The following GLG1 variants were observed in gnomAD, a reference collection of about 807,000 sequenced individuals.
The protein encoded by GLG1 is golgi glycoprotein 1.
GLG1 carries 38 observed loss-of-function variants against 160.5 expected under a neutral mutation model. The ratio of observed to expected loss-of-function variants is 0.24; its 90% CI spans 0.18 to 0.31. The LOEUF (loss-of-function observed/expected upper bound fraction) is 0.31, where lower values mean the gene tolerates loss of function less well. Among genes scored for constraint, GLG1 ranks in the 10% least tolerant of loss-of-function variants. GLG1 has a pLI of 1.00. For synonymous variants in GLG1, 644 were observed against 543.4 expected (o/e 1.19, Z -2.57); for missense variants, 1,373 against 1,505.2 (o/e 0.91, Z 1.45).
intron 1 of GLG1, among the ~76,000 whole-genome samples, chr16:74,556,362 G>A (rs922080339): frequency 6.6e-6 from 1 of 152,110 alleles, no homozygotes; most frequent in African/African-American, 2.4e-5. Context: ...AAAATTTAAA[G>A]TTCTTTGACT....
chr16:74,548,859 G>T (rs1055921371), intron 1 of GLG1, among the ~76,000 whole-genome samples: 4 of 152,086 alleles, frequency 2.6e-5, no homozygotes, highest in African/African-American at 9.7e-5. Flanking sequence ...AGCTGGGCGT[G>T]GTGGCAGGCA....
At chr16:74,519,895 C>G (rs920945523) in intron 2 of GLG1, among the ~76,000 whole-genome samples, 12 of 152,156 alleles carry the variant, frequency 7.9e-5, no homozygotes, top group African/African-American at 2.9e-4. Context: ...GGTCCCACTC[C>G]TCCCCATACA....
intron 1 of GLG1, among the ~76,000 whole-genome samples, chr16:74,541,030 T>C (rs1282138238): frequency 6.6e-6 from 1 of 152,046 alleles, no homozygotes; most frequent in Non-Finnish European, 1.5e-5. Flanking sequence ...CGAAATACAG[T>C]ATAAAAATTC....
At chr16:74,556,027 A>C (rs1286593094) in intron 1 of GLG1, among the ~76,000 whole-genome samples, 4 of 151,956 alleles carry the variant, frequency 2.6e-5, no homozygotes, top group Non-Finnish European at 1.5e-5. Context: ...TTTTGTAGAG[A>C]AGGGTCTCAC....
intron 1 of GLG1, among the ~76,000 whole-genome samples, chr16:74,580,225 T>C (rs1567536957): frequency 6.6e-6 from 1 of 152,196 alleles, no homozygotes; most frequent in East Asian, 1.9e-4. Flanking sequence ...GGTTTATACC[T>C]GTAATCCCAG....
chr16:74,506,581 C>CAAAAAAAAAAAAAAA lies in GLG1; in HGVS notation c.558+2243_558+2257dup, dbSNP rs56175030. ...TGGGTTACAGAGCAAGACTCCGTCT[C>CAAAAAAAAAAAAAAA]AAAAAAAAAAAAAAAAAAAAAAACT... On this transcript the variant is annotated intron_variant, in intron 3 of 25. Transcript: ENST00000422840. 5.6e-4 allele frequency among the ~76,000 whole-genome samples: 22 copies of CAAAAAAAAAAAAAAA among 39,052 alleles called. 3 individuals carry two copies. Among genetic ancestry groups the CAAAAAAAAAAAAAAA allele is most frequent in the African/African-American group, 9.9e-4 (9 of 9,100 alleles). 25.6% of individuals were successfully genotyped at this position (39,052 alleles called of 152,430 possible). A position where few individuals can be genotyped will look rare whatever the true frequency, so the allele number is the denominator to read the frequency against.
intron 4 of GLG1, among the ~76,000 whole-genome samples, chr16:74,502,802 CCT>C (rs2016457563): frequency 6.8e-6 from 1 of 146,626 alleles, no homozygotes; most frequent in Non-Finnish European, 1.5e-5. Context: ...GATCTCCTGA[CCT>C]CGTGATCTGC....
chr16:74,589,142 C>G (rs1368593690), intron 1 of GLG1, among the ~76,000 whole-genome samples: 1 of 151,714 alleles, frequency 6.6e-6, no homozygotes, highest in Non-Finnish European at 1.5e-5. Context: ...GTAATCCCAG[C>G]TACTCGAGAG....
chr16:74,568,758 T>C (rs189747817), intron 1 of GLG1, among the ~76,000 whole-genome samples: 1 of 152,316 alleles, frequency 6.6e-6, no homozygotes, highest in Non-Finnish European at 1.5e-5. Context: ...TAACCAATAG[T>C]ATCTTAAATC....
intron 1 of GLG1, among the ~76,000 whole-genome samples, chr16:74,535,454 GA>G (rs1431271084): frequency 1.3e-5 from 2 of 152,162 alleles, no homozygotes; most frequent in Non-Finnish European, 2.9e-5. Context: ...TTAGTTTTGA[GA>G]TAGAGTCTTG....
chr16:74,575,310 A>T (rs995521098), intron 1 of GLG1, among the ~76,000 whole-genome samples: 2 of 152,128 alleles, frequency 1.3e-5, no homozygotes, highest in African/African-American at 4.8e-5. Context: ...TCTGAATCAC[A>T]CACTGATTTT....
At chr16:74,559,403 C>A (rs997403046) in intron 1 of GLG1, among the ~76,000 whole-genome samples, 3 of 150,836 alleles carry the variant, frequency 2.0e-5, no homozygotes, top group African/African-American at 7.3e-5. Context: ...ATGATCACAC[C>A]ACTGCACTCC....
intron 1 of GLG1, among the ~76,000 whole-genome samples, chr16:74,543,285 G>T (rs1328402257): frequency 2.0e-5 from 3 of 152,182 alleles, no homozygotes; most frequent in Non-Finnish European, 2.9e-5. Context: ...GGCTAAATTG[G>T]GAAAAAAATT....
intron 1 of GLG1, among the ~76,000 whole-genome samples, chr16:74,597,156 G>A (rs561279170): frequency 6.6e-6 from 1 of 151,904 alleles, no homozygotes; most frequent in African/African-American, 2.4e-5. Context: ...AAACTCACCA[G>A]GCACAGTGGC....
intron 12 of GLG1, among the ~76,000 whole-genome samples, chr16:74,476,225 G>C (rs989033237): frequency 1.3e-5 from 2 of 151,914 alleles, no homozygotes; most frequent in Admixed American, 1.3e-4. Context: ...TCTCCATGAC[G>C]GGCTGCAATG....
At position 74,480,349 on chromosome 16, in the gene GLG1, A is replaced by ACGAGAAG; in HGVS notation, c.1712_1718dup (p.Leu574PhefsTer11). 1 of 1,613,844 alleles carries ACGAGAAG rather than the reference A, an allele frequency of 6.2e-7. No homozygotes were observed. The highest frequency in any genetic ancestry group is 1.3e-5 in the African/African-American group (1 of 75,044). On this transcript the variant is annotated frameshift_variant, in exon 11 of 26. Coordinates refer to ENST00000422840, the MANE Select transcript of GLG1 (RefSeq NM_001145667.2). LOFTEE classifies it high-confidence loss of function. ...CATTCCAACCGTGGGTGTGGCAAAG[A>ACGAGAAG]CGAGAAGCGTCTCCCTGGCACTTGC...
chr16:74,483,343 G>C (rs928776481), intron 9 of GLG1, among the ~76,000 whole-genome samples: 1 of 152,128 alleles, frequency 6.6e-6, no homozygotes, highest in African/African-American at 2.4e-5. Flanking sequence ...CATGCACAAG[G>C]GCAGTGTGCA....
At position 74,451,423 on chromosome 16, in the gene GLG1, AAT is replaced by A. The variant is rs1363268224; in HGVS notation, c.*1742_*1743del. 6.6e-6 allele frequency: 1 copy of A among 152,252 alleles called. No homozygotes were observed. The highest frequency in any genetic ancestry group is 1.5e-5 in the Non-Finnish European group (1 of 68,048). The allele number at this position is 152,252 out of a possible 1,614,324, so 9.4% of individuals were successfully genotyped here. On this transcript the variant is annotated 3_prime_UTR_variant, in exon 26 of 26. Coordinates refer to ENST00000422840, the MANE Select transcript of GLG1 (RefSeq NM_001145667.2). ...AAAAGAAAGAAAACCACAGTATTCAAATATATGTCAGTCAGGTTAGACAAGGA... is the reference window on the plus strand; with the variant it reads ...AAAAGAAAGAAAACCACAGTATTCAAATATGTCAGTCAGGTTAGACAAGGA...
At chr16:74,521,107 T>C (rs1477045972) in intron 2 of GLG1, among the ~76,000 whole-genome samples, 3 of 152,142 alleles carry the variant, frequency 2.0e-5, no homozygotes, top group Admixed American at 6.5e-5. Flanking sequence ...GTGGAAAGAA[T>C]AGCGAATGCA....
Sources: allele counts gnomAD v4.1 joint callset (sites outside exome capture counted in the v4.1 genomes callset), GRCh38; gene constraint gnomAD v4.1.1; transcripts MANE v1.5; gene names NCBI Gene and HGNC (gene_info 2026-07-23, HGNC 2026-07-21).